Variants in PPP1R12A observed in about 807,000 individuals in gnomAD.
PPP1R12A encodes myosin binding subunit.
Under a neutral mutation model 139.6 loss-of-function variants are expected in PPP1R12A, and 19 were observed. The ratio of observed to expected loss-of-function variants is 0.14; its 90% CI spans 0.09 to 0.20. The LOEUF (loss-of-function observed/expected upper bound fraction) is 0.20, where lower values mean the gene tolerates loss of function less well. Ranked by LOEUF, PPP1R12A falls within the 10% of genes least tolerant of loss-of-function variation. PPP1R12A has a pLI of 1.00. For missense variants in PPP1R12A, 925 were observed against 1,211.5 expected (o/e 0.76, Z 3.51); for synonymous variants, 427 against 420.6 (o/e 1.02, Z -0.19).
At chr12:79,831,972 G>T (rs937063047) in intron 4 of PPP1R12A, among the ~76,000 whole-genome samples, 13 of 152,084 alleles carry the variant, frequency 8.5e-5, no homozygotes, top group African/African-American at 3.1e-4. Context: ...AAAACTGATG[G>T]TATGTTCACA....
intron 1 of PPP1R12A, among the ~76,000 whole-genome samples, chr12:79,897,142 T>C (rs1454871042): frequency 1.3e-5 from 2 of 152,154 alleles, no homozygotes; most frequent in East Asian, 3.9e-4. Flanking sequence ...TAGGTGCCCA[T>C]TAATGATGGA....
intron 2 of PPP1R12A, among the ~76,000 whole-genome samples, chr12:79,846,916 G>A (rs922533776): frequency 6.6e-6 from 1 of 151,706 alleles, no homozygotes; most frequent in Non-Finnish European, 1.5e-5. Flanking sequence ...TTTGATTTGG[G>A]TATCCCTGGT....
At chr12:79,831,693 T>G (rs1424238549) in intron 4 of PPP1R12A, among the ~76,000 whole-genome samples, 3 of 152,168 alleles carry the variant, frequency 2.0e-5, no homozygotes, top group Non-Finnish European at 4.4e-5. Flanking sequence ...AAGAATAATT[T>G]TATATATTGA....
intron 3 of PPP1R12A, among the ~76,000 whole-genome samples, chr12:79,837,949 A>G (rs768492012): frequency 5.3e-5 from 8 of 152,190 alleles, no homozygotes; most frequent in Admixed American, 1.3e-4. Context: ...GGTATCGGGT[A>G]GTGGGGCACA....
chr12:79,864,116 G>C (rs1182910263), intron 2 of PPP1R12A, among the ~76,000 whole-genome samples: 3 of 152,120 alleles, frequency 2.0e-5, no homozygotes, highest in African/African-American at 7.2e-5. Flanking sequence ...AAATGTAAAA[G>C]AACAGAAATC....
intron 9 of PPP1R12A, 39 bp from the exon 10 acceptor site, chr12:79,810,049 T>G: frequency 6.8e-7 from 1 of 1,467,974 alleles, no homozygotes; most frequent in Non-Finnish European, 9.3e-7. Context: ...AAAAAAGAAT[T>G]TGTAAAGCTG....
At chr12:79,833,202 C>A (rs1877645652) in intron 3 of PPP1R12A, among the ~76,000 whole-genome samples, 1 of 151,848 alleles carries the variant, frequency 6.6e-6, no homozygotes, top group African/African-American at 2.4e-5. Context: ...GCCAGGAGGT[C>A]AAGGCTGCAG....
chr12:79,784,503 TGA>T (rs1254772351), intron 22 of PPP1R12A, among the ~76,000 whole-genome samples: 1 of 152,152 alleles, frequency 6.6e-6, no homozygotes, highest in African/African-American at 2.4e-5. Context: ...AGGGTTTGAC[TGA>T]GAGACATACA....
intron 1 of PPP1R12A, among the ~76,000 whole-genome samples, chr12:79,924,028 A>G (rs554222088): frequency 5.3e-5 from 8 of 152,330 alleles, no homozygotes; most frequent in African/African-American, 1.7e-4. Flanking sequence ...TGGGAGACAG[A>G]GCAAGACTCC....
chr12:79,903,877 T>C (rs202179569), intron 1 of PPP1R12A, among the ~76,000 whole-genome samples: 2 of 152,262 alleles, frequency 1.3e-5, no homozygotes, highest in South Asian at 2.1e-4. Context: ...TTTTTCCCCC[T>C]ACTCAGTAAC....
chr12:79,904,711 T>A (rs1490700183), intron 1 of PPP1R12A, among the ~76,000 whole-genome samples: 1 of 152,190 alleles, frequency 6.6e-6, no homozygotes, highest in East Asian at 1.9e-4. Flanking sequence ...AATTGGCTGC[T>A]TAATATACGT....
intron 20 of PPP1R12A, among the ~76,000 whole-genome samples, chr12:79,789,403 T>C (rs1410170365): frequency 1.3e-5 from 2 of 152,230 alleles, no homozygotes; most frequent in African/African-American, 4.8e-5. Flanking sequence ...TGATGCATTA[T>C]AGTTTAATTG....
At position 79,779,027 on chromosome 12, in the gene PPP1R12A, T is replaced by C. The variant is rs527776152; in HGVS notation, c.2956-427A>G. Reference sequence around the variant, plus strand: ...TGTACTTTGCAATTTCAGAGGAATGTAAGAGAAGCTCATTTCCTCCACTCA... The same window carrying C: ...TGTACTTTGCAATTTCAGAGGAATGCAAGAGAAGCTCATTTCCTCCACTCA... On this transcript the variant is annotated intron_variant, in intron 23 of 24. Transcript: ENST00000450142. 3.6e-5 allele frequency: 9 copies of C among 251,668 alleles called. No homozygotes were observed. In the South Asian group the frequency reaches 4.4e-4, roughly 12 times the overall value. The allele number at this position is 251,668 out of a possible 1,614,324, so 15.6% of individuals were successfully genotyped here.
intron 1 of PPP1R12A, among the ~76,000 whole-genome samples, chr12:79,873,209 A>G (rs1188778178): frequency 1.3e-5 from 2 of 152,182 alleles, no homozygotes; most frequent in Non-Finnish European, 2.9e-5. Context: ...TAAAATGAAG[A>G]CATTATAATT....
intron 1 of PPP1R12A, among the ~76,000 whole-genome samples, chr12:79,889,601 G>C (rs1884409888): frequency 6.6e-6 from 1 of 152,036 alleles, no homozygotes; most frequent in Non-Finnish European, 1.5e-5. Context: ...AACTTTTCTT[G>C]CCAATCCTTG....
chr12:79,829,397 C>T (rs192989062), intron 4 of PPP1R12A, among the ~76,000 whole-genome samples: 1 of 152,016 alleles, frequency 6.6e-6, no homozygotes, highest in Non-Finnish European at 1.5e-5. Flanking sequence ...TATTTAAGAA[C>T]AAATCTGGTA....
intron 1 of PPP1R12A, among the ~76,000 whole-genome samples, chr12:79,923,327 A>G (rs934576343): frequency 6.6e-6 from 1 of 152,224 alleles, no homozygotes; most frequent in African/African-American, 2.4e-5. Flanking sequence ...CCATATGATA[A>G]AAAGTGGAAA....
chr12:79,821,965 A>G, intron 6 of PPP1R12A, 151 bp downstream of exon 6: 1 of 530,064 alleles, frequency 1.9e-6, no homozygotes, highest in Admixed American at 3.3e-5. Flanking sequence ...AAATATCACC[A>G]TCCTTTATTC....
rs575886647 is a variant in PPP1R12A at position 79,820,293 on chromosome 12, G to A, written c.1114+481C>T. 4.6e-5 allele frequency among the ~76,000 whole-genome samples: 7 copies of A among 152,264 alleles called. No individual in the cohort carries two copies. In the South Asian group the frequency reaches 1.5e-3, roughly 32 times the overall value. ...AAGTCGAGGTTGTTGGAATATGAAT[G>A]TTTGTTTATTATACTTTTCTGTATC... On this transcript the variant is annotated intron_variant, in intron 8 of 24. Transcript: ENST00000450142.
Sources: gnomAD v4.1 joint callset for allele counts (sites outside exome capture counted in the v4.1 genomes callset) on GRCh38, gnomAD v4.1.1 for gene constraint, MANE v1.5 for transcripts, NCBI Gene and HGNC (gene_info 2026-07-23, HGNC 2026-07-21) for gene names.